Variants in CDH12 observed in about 807,000 individuals in gnomAD.
The protein encoded by CDH12 is cadherin-12.
Under a neutral mutation model 74.1 loss-of-function variants are expected in CDH12, and 41 were observed. That is an observed-to-expected ratio of 0.55 (90% confidence interval 0.43 to 0.72). CDH12 has a LOEUF of 0.72. Among genes scored for constraint, CDH12 ranks in the 30% least tolerant of loss-of-function variants. The pLI is 0.00. For synonymous variants in CDH12, 399 were observed against 355.0 expected (o/e 1.12, Z -1.39); for missense variants, 945 against 977.2 (o/e 0.97, Z 0.44).
intron 3 of CDH12, among the ~76,000 whole-genome samples, chr5:22,285,839 C>T (rs533503220): frequency 1.7e-3 from 265 of 152,028 alleles, no homozygotes; most frequent in Middle Eastern, 3.4e-3. Flanking sequence ...CTGAGAGCCC[C>T]GTGTATCAGG....
chr5:22,251,934 T>C (rs569143750), intron 3 of CDH12, among the ~76,000 whole-genome samples: 66 of 152,258 alleles, frequency 4.3e-4, no homozygotes, highest in African/African-American at 1.6e-3. Flanking sequence ...GGTGAACACA[T>C]GGGTATTTTT....
chr5:21,814,832 C>A (rs1436031937), intron 9 of CDH12, among the ~76,000 whole-genome samples: 1 of 150,526 alleles, frequency 6.6e-6, no homozygotes, highest in Non-Finnish European at 1.5e-5. Flanking sequence ...GATTGTAACC[C>A]ATTTAAATGT....
At position 22,728,116 on chromosome 5, in the gene CDH12, AT is replaced by A. The variant is rs540919643; in HGVS notation, c.-523+124941del. Among the ~76,000 whole-genome samples the A allele has an allele frequency of 2.4e-3, 370 of 151,748 alleles. 1 individual carries two copies. Among genetic ancestry groups the A allele is most frequent in the African/African-American group, 8.4e-3 (349 of 41,448 alleles). On this transcript the variant is annotated intron_variant, in intron 1 of 14. Coordinates refer to ENST00000382254, the MANE Select transcript of CDH12 (RefSeq NM_004061.5). ...GTCAATATATATTAAATCTCTTGCA[AT>A]TTTTTATCCTTTTATTTCCTCCCAT...
At chr5:22,216,795 C>T (rs1226793145) in intron 3 of CDH12, among the ~76,000 whole-genome samples, 2 of 151,820 alleles carry the variant, frequency 1.3e-5, no homozygotes, top group Non-Finnish European at 2.9e-5. Context: ...GAAAGCTAAA[C>T]TGGATATCAG....
intron 10 of CDH12, among the ~76,000 whole-genome samples, chr5:21,798,165 T>A (rs1746896593): frequency 6.6e-6 from 1 of 152,082 alleles, no homozygotes; most frequent in African/African-American, 2.4e-5. Context: ...AAAAGACTGA[T>A]AAATAATGTT....
At chr5:22,129,844 A>G (rs1746087272) in intron 4 of CDH12, among the ~76,000 whole-genome samples, 1 of 152,110 alleles carries the variant, frequency 6.6e-6, no homozygotes, top group Admixed American at 6.6e-5. Context: ...ATAATCACTA[A>G]GACTAATTAT....
At chr5:22,841,508 A>G (rs1737081102) in intron 1 of CDH12, among the ~76,000 whole-genome samples, 1 of 152,136 alleles carries the variant, frequency 6.6e-6, no homozygotes, top group Non-Finnish European at 1.5e-5. Context: ...ATTTTGGGAG[A>G]GCTGAGCTGG....
chr5:22,194,664 A>G (rs1433831032), intron 4 of CDH12, among the ~76,000 whole-genome samples: 1 of 152,100 alleles, frequency 6.6e-6, no homozygotes, highest in Non-Finnish European at 1.5e-5. Flanking sequence ...TTATGAAAAA[A>G]ACTTGCCACT....
At chr5:22,557,420 C>T (rs184793422) in intron 1 of CDH12, among the ~76,000 whole-genome samples, 42 of 151,974 alleles carry the variant, frequency 2.8e-4, no homozygotes, top group African/African-American at 9.4e-4. Flanking sequence ...ATTTGAGCAA[C>T]GGATACAATT....
At chr5:22,383,581 A>G (rs1296808935) in intron 3 of CDH12, among the ~76,000 whole-genome samples, 1 of 152,202 alleles carries the variant, frequency 6.6e-6, no homozygotes, top group African/African-American at 2.4e-5. Context: ...CGTTGCTGGT[A>G]GAAATTCTCA....
intron 4 of CDH12, among the ~76,000 whole-genome samples, chr5:22,106,675 T>C (rs1744462670): frequency 6.6e-6 from 1 of 152,214 alleles, no homozygotes; most frequent in Non-Finnish European, 1.5e-5. Flanking sequence ...TCCAAGCCTG[T>C]GCATTCACCC....
At chr5:22,750,937 G>A (rs1475084131) in intron 1 of CDH12, among the ~76,000 whole-genome samples, 1 of 151,580 alleles carries the variant, frequency 6.6e-6, no homozygotes, top group Non-Finnish European at 1.5e-5. Flanking sequence ...AAAGGTAGGG[G>A]ATAGGAAGGT....
intron 1 of CDH12, among the ~76,000 whole-genome samples, chr5:22,788,265 T>G (rs1411256128): frequency 6.6e-6 from 1 of 152,154 alleles, no homozygotes; most frequent in Non-Finnish European, 1.5e-5. Context: ...AGTTGTTACC[T>G]TCTAAGTTTA....
At chr5:22,488,855 C>G (rs574460866) in intron 2 of CDH12, among the ~76,000 whole-genome samples, 1 of 152,082 alleles carries the variant, frequency 6.6e-6, no homozygotes, top group East Asian at 1.9e-4. Context: ...AATACTGGTA[C>G]TTCCCTATGT....
At chr5:22,029,603 T>G (rs1738665758) in intron 5 of CDH12, among the ~76,000 whole-genome samples, 1 of 152,080 alleles carries the variant, frequency 6.6e-6, no homozygotes, top group South Asian at 2.1e-4. Flanking sequence ...CATTAAAAAG[T>G]CAGGAAACAA....
intron 1 of CDH12, among the ~76,000 whole-genome samples, chr5:22,614,389 C>T (rs1280387486): frequency 3.2e-5 from 2 of 62,262 alleles, no homozygotes; most frequent in African/African-American, 6.8e-5. Context: ...GGGAACCTCA[C>T]CTACCTGAAG....
chr5:22,102,267 C>G (rs1744178889), intron 4 of CDH12, among the ~76,000 whole-genome samples: 1 of 151,994 alleles, frequency 6.6e-6, no homozygotes, highest in African/African-American at 2.4e-5. Context: ...CCTTTACCAG[C>G]ATTTATTTTT....
At chr5:21,913,302 C>A (rs1245827183) in intron 6 of CDH12, among the ~76,000 whole-genome samples, 1 of 152,054 alleles carries the variant, frequency 6.6e-6, no homozygotes, top group African/African-American at 2.4e-5. Flanking sequence ...TTCTGAGTCC[C>A]CACATATTTA....
At chr5:22,346,945 T>G (rs956914182) in intron 3 of CDH12, among the ~76,000 whole-genome samples, 1 of 152,206 alleles carries the variant, frequency 6.6e-6, no homozygotes, top group Non-Finnish European at 1.5e-5. Context: ...GGACTTGAGT[T>G]ACCCATCTCC....
Sources: allele counts gnomAD v4.1 joint callset (sites outside exome capture counted in the v4.1 genomes callset), GRCh38; gene constraint gnomAD v4.1.1; transcripts MANE v1.5; gene names NCBI Gene and HGNC (gene_info 2026-07-23, HGNC 2026-07-21).